KCTD16: variants seen among roughly 807,000 people sequenced by gnomAD.
The protein encoded by KCTD16 is BTB/POZ domain-containing protein KCTD16.
KCTD16 carries 13 observed loss-of-function variants against 33.2 expected under a neutral mutation model. The ratio of observed to expected loss-of-function variants is 0.39; its 90% CI spans 0.25 to 0.62. The LOEUF (loss-of-function observed/expected upper bound fraction) is 0.62. KCTD16 is among the 20% of genes least tolerant of loss of function. The pLI, the probability that KCTD16 is intolerant of heterozygous loss-of-function variation, is 0.50. For missense variants in KCTD16, 441 were observed against 525.1 expected (o/e 0.84, Z 1.57); for synonymous variants, 197 against 195.3 (o/e 1.01, Z -0.07).
intron 2 of KCTD16, among the ~76,000 whole-genome samples, chr5:144,197,592 T>C (rs918496801): frequency 1.3e-5 from 2 of 152,204 alleles, no homozygotes; most frequent in African/African-American, 2.4e-5. Flanking sequence ...GATATAGTGG[T>C]GATCTATGCT....
intron 3 of KCTD16, among the ~76,000 whole-genome samples, chr5:144,440,554 T>C (rs1001595186): frequency 6.6e-6 from 1 of 151,922 alleles, no homozygotes; most frequent in African/African-American, 2.4e-5. Context: ...CACTGTGGCA[T>C]GGTTCAGCAA....
intron 3 of KCTD16, among the ~76,000 whole-genome samples, chr5:144,384,012 A>T (rs146974334): frequency 0.011 from 1,688 of 152,322 alleles, 33 homozygotes; most frequent in African/African-American, 0.039. Flanking sequence ...TTACAAATAG[A>T]TGATTTCCCC....
intron 2 of KCTD16, among the ~76,000 whole-genome samples, chr5:144,188,009 A>C (rs1752763755): frequency 6.6e-6 from 1 of 152,160 alleles, no homozygotes; most frequent in Non-Finnish European, 1.5e-5. Flanking sequence ...CCTAGCTTAG[A>C]CATAGTAGAC....
At chr5:144,264,479 G>A (rs1349007200) in intron 3 of KCTD16, among the ~76,000 whole-genome samples, 1 of 152,166 alleles carries the variant, frequency 6.6e-6, no homozygotes, top group Non-Finnish European at 1.5e-5. Flanking sequence ...CAGGTCAGGA[G>A]CTGTGATAGG....
intron 2 of KCTD16, among the ~76,000 whole-genome samples, chr5:144,181,735 A>G (rs1752629283): frequency 1.3e-5 from 2 of 152,220 alleles, no homozygotes; most frequent in South Asian, 2.1e-4. Context: ...GGATGTGTCC[A>G]TCAAAAAGTT....
intron 3 of KCTD16, among the ~76,000 whole-genome samples, chr5:144,395,197 A>G (rs1401807541): frequency 6.6e-6 from 1 of 152,196 alleles, no homozygotes; most frequent in East Asian, 1.9e-4. Context: ...AAATTGGAGA[A>G]TCAGTGCAAT....
intron 2 of KCTD16, among the ~76,000 whole-genome samples, chr5:144,187,640 C>T (rs998865899): frequency 5.3e-5 from 8 of 152,136 alleles, no homozygotes; most frequent in African/African-American, 9.7e-5. Context: ...AGTAGGTAGA[C>T]TTCTTAATTG....
chr5:144,276,386 T>G (rs1433698834), intron 3 of KCTD16, among the ~76,000 whole-genome samples: 1 of 152,198 alleles, frequency 6.6e-6, no homozygotes, highest in Non-Finnish European at 1.5e-5. Flanking sequence ...GGGTAGACAT[T>G]CAGATTACTT....
rs1343171371 is a variant in KCTD16 at position 144,174,297 on chromosome 5, T to G, written c.-492-10T>G. ...TTTTAGAGTTACTTTCTTTCCCTTC[T>G]GTTTTTCAGTTCATATGTCATGAAA... On this transcript the variant is annotated splice_polypyrimidine_tract_variant and intron_variant, in intron 1 of 3. Coordinates refer to ENST00000512467, the MANE Select transcript of KCTD16 (RefSeq NM_020768.4). The G allele has an allele frequency of 6.6e-6, 1 of 152,260 alleles. No individual in the cohort carries two copies. The highest frequency in any genetic ancestry group is 1.5e-5 in the Non-Finnish European group (1 of 68,046). The allele number at this position is 152,260 out of a possible 1,614,324, so 9.4% of individuals were successfully genotyped here. A position where few individuals can be genotyped will look rare whatever the true frequency, so the allele number is the denominator to read the frequency against.
chr5:144,287,333 A>C (rs1002381232), intron 3 of KCTD16, among the ~76,000 whole-genome samples: 1 of 95,862 alleles, frequency 1.0e-5, no homozygotes, highest in Non-Finnish European at 2.7e-5. Flanking sequence ...CACCAGTTCA[A>C]ATGCTGCTGT....
intron 3 of KCTD16, among the ~76,000 whole-genome samples, chr5:144,284,700 C>A (rs938205456): frequency 6.6e-6 from 1 of 152,008 alleles, no homozygotes; most frequent in African/African-American, 2.4e-5. Flanking sequence ...AAATAGACTG[C>A]TTTTCAAGAT....
At chr5:144,370,285 G>A (rs777538302) in intron 3 of KCTD16, among the ~76,000 whole-genome samples, 2 of 152,174 alleles carry the variant, frequency 1.3e-5, no homozygotes, top group South Asian at 2.1e-4. Flanking sequence ...AGAAACTTGC[G>A]ATCATTTGGA....
chr5:144,465,556 C>G (rs1175958784), intron 3 of KCTD16, among the ~76,000 whole-genome samples: 5 of 152,094 alleles, frequency 3.3e-5, no homozygotes, highest in Non-Finnish European at 7.3e-5. Flanking sequence ...TTTCAAACCA[C>G]TACTGTGGTC....
rs1353169388 is a variant in KCTD16, at chr5:144,206,867, G to C, written c.153G>C (p.Leu51=). The C allele has an allele frequency of 1.1e-5, 18 of 1,614,064 alleles. No individual in the cohort carries two copies. The highest frequency in any genetic ancestry group is 1.4e-5 in the Non-Finnish European group (17 of 1,180,012). Residue 51 remains leucine (L), a synonymous_variant, in exon 3 of 4, where the codon CTG becomes CTC. Coordinates refer to ENST00000512467, the MANE Select transcript of KCTD16 (RefSeq NM_020768.4). ...TGATAAGCATCCCTCATTCCCTCCT[G>C]TGGAAAATGTTTTCCCCAAAGAGAG... The part of the protein sequence containing the change: ...STLISIPHSL[L]WKMFSPKRDT...
intron 3 of KCTD16, among the ~76,000 whole-genome samples, chr5:144,377,367 G>A (rs1752117009): frequency 6.6e-6 from 1 of 152,206 alleles, no homozygotes; most frequent in South Asian, 2.1e-4. Flanking sequence ...AAGGGCAGCT[G>A]AGACTCAGCT....
chr5:144,329,425 T>G (rs905922133), intron 3 of KCTD16, among the ~76,000 whole-genome samples: 2 of 152,072 alleles, frequency 1.3e-5, no homozygotes, highest in Non-Finnish European at 2.9e-5. Flanking sequence ...GAAGCTGTAT[T>G]TACCCACTAG....
chr5:144,207,515 C>G lies in KCTD16; in HGVS notation c.801C>G (p.Ile267Met). 6.2e-7 allele frequency: 1 copy of G among 1,613,760 alleles called. No individual in the cohort carries two copies. The highest frequency in any genetic ancestry group is 8.5e-7 in the Non-Finnish European group (1 of 1,179,822). Residue 267 changes from isoleucine (I) to methionine (M), a missense_variant, in exon 3 of 4, where the codon ATC becomes ATG. Coordinates refer to ENST00000512467, the MANE Select transcript of KCTD16 (RefSeq NM_020768.4). ...TCAACCAATATACAGATGACAAGAT[C>G]TGGTCAAGCTACACTGAATATGTCT... ...SFINQYTDDK[I>M]WSSYTEYVFY...
At chr5:144,307,220 G>T (rs1466510918) in intron 3 of KCTD16, among the ~76,000 whole-genome samples, 1 of 152,176 alleles carries the variant, frequency 6.6e-6, no homozygotes, top group African/African-American at 2.4e-5. Context: ...TAGCTCAAGT[G>T]TGATCTCCTC....
intron 3 of KCTD16, among the ~76,000 whole-genome samples, chr5:144,401,508 C>T (rs1752703646): frequency 6.6e-6 from 1 of 152,082 alleles, no homozygotes; most frequent in Non-Finnish European, 1.5e-5. Context: ...TTTCCATGTA[C>T]CTCTGATTTA....
Sources: gnomAD v4.1 joint callset for allele counts (sites outside exome capture counted in the v4.1 genomes callset) on GRCh38, gnomAD v4.1.1 for gene constraint, MANE v1.5 for transcripts, NCBI Gene and HGNC (gene_info 2026-07-23, HGNC 2026-07-21) for gene names.